SSBP2: variants seen among roughly 807,000 people sequenced by gnomAD.
SSBP2 encodes single stranded DNA binding protein 2, also known as single-stranded DNA-binding protein 2.
A neutral mutation model predicts 61.8 loss-of-function variants in SSBP2; 17 were observed. The observed-to-expected ratio is 0.28, with a 90% CI of 0.19 to 0.41. SSBP2 has a LOEUF of 0.41. Among genes scored for constraint, SSBP2 ranks in the 10% least tolerant of loss-of-function variants. SSBP2 has a pLI of 1.00. For missense variants in SSBP2, 310 were observed against 458.7 expected, an observed-to-expected ratio of 0.68 and a Z score of 2.96; for synonymous variants, 139 against 141.3, an observed-to-expected ratio of 0.98 and a Z score of 0.12.
At chr5:81,569,514 A>G (rs1199603824) in intron 4 of SSBP2, among the ~76,000 whole-genome samples, 1 of 152,208 alleles carries the variant, frequency 6.6e-6, no homozygotes, top group Admixed American at 6.5e-5. Flanking sequence ...ACAAAGCAAA[A>G]TAAAATACAG....
chr5:81,641,163 C>T (rs1049855078), intron 2 of SSBP2, among the ~76,000 whole-genome samples: 1 of 152,102 alleles, frequency 6.6e-6, no homozygotes, highest in African/African-American at 2.4e-5. Context: ...TGCCCCTCAT[C>T]CTTACTAAGC....
intron 4 of SSBP2, among the ~76,000 whole-genome samples, chr5:81,517,669 A>G (rs985484007): frequency 6.6e-5 from 10 of 151,942 alleles, no homozygotes; most frequent in African/African-American, 2.4e-4. Context: ...GCATGAGTCA[A>G]TATGTTTATG....
intron 4 of SSBP2, among the ~76,000 whole-genome samples, chr5:81,537,427 T>C (rs1770893087): frequency 1.3e-5 from 2 of 152,114 alleles, no homozygotes; most frequent in South Asian, 2.1e-4. Flanking sequence ...GTGACCATCA[T>C]GAGAAACAGG....
intron 4 of SSBP2, among the ~76,000 whole-genome samples, chr5:81,593,403 T>G (rs942166281): frequency 6.6e-6 from 1 of 152,306 alleles, no homozygotes; most frequent in East Asian, 1.9e-4. Context: ...TGGAACCAAG[T>G]TGGAAAACAC....
chr5:81,644,860 T>C (rs1206909352), intron 2 of SSBP2, among the ~76,000 whole-genome samples: 3 of 152,220 alleles, frequency 2.0e-5, no homozygotes, highest in Non-Finnish European at 4.4e-5. Flanking sequence ...GGATTAGAGC[T>C]GGACCCATTT....
intron 4 of SSBP2, among the ~76,000 whole-genome samples, chr5:81,561,007 CTT>C (rs1420202864): frequency 1.3e-5 from 2 of 152,164 alleles, no homozygotes; most frequent in Non-Finnish European, 2.9e-5. Context: ...CTGCTGCTGA[CTT>C]TAACACTATC....
rs757586085 is a variant in SSBP2, at chr5:81,511,044, G to GTC, written c.372+2582_372+2583dup. Reference sequence around the variant, plus strand: ...GCTAATTAAGCTCCAGTTTTTCTTGGTCTCTCTCTCTCTCCTTTTCCCTCT... The same window carrying GTC: ...GCTAATTAAGCTCCAGTTTTTCTTGGTCTCTCTCTCTCTCTCCTTTTCCCTCT... On this transcript the variant is annotated intron_variant, in intron 5 of 16. Coordinates refer to ENST00000320672, the MANE Select transcript of SSBP2 (RefSeq NM_012446.5). Among the ~76,000 whole-genome samples the GTC allele has an allele frequency of 4.0e-5, 6 of 151,514 alleles. No individual in the cohort carries two copies. In the East Asian group the frequency reaches 5.9e-4, roughly 15 times the overall value.
intron 1 of SSBP2, among the ~76,000 whole-genome samples, chr5:81,682,934 T>C (rs570615079): frequency 1.3e-5 from 2 of 152,222 alleles, no homozygotes; most frequent in East Asian, 3.9e-4. Flanking sequence ...AGAAATGAGA[T>C]ACACAGGTAT....
At chr5:81,615,377 C>T in intron 4 of SSBP2, 96 bp downstream of exon 4, 2 of 924,976 alleles carry the variant, frequency 2.2e-6, no homozygotes, top group East Asian at 2.5e-5. Context: ...TCTTAAGTAC[C>T]AAAACAAAAG....
At chr5:81,473,808 A>G (rs780006284) in intron 7 of SSBP2, 38 bp from the exon 8 acceptor site, 12 of 1,581,502 alleles carry the variant, frequency 7.6e-6, no homozygotes, top group Non-Finnish European at 1.0e-5. Context: ...AGTAATGAGC[A>G]TGAGTACTAA....
intron 4 of SSBP2, among the ~76,000 whole-genome samples, chr5:81,577,574 A>G (rs1382230893): frequency 6.6e-6 from 1 of 152,100 alleles, no homozygotes; most frequent in Non-Finnish European, 1.5e-5. Context: ...CCAACTAAGA[A>G]TGAATGTAGG....
chr5:81,707,466 T>C (rs1183632955), intron 1 of SSBP2, among the ~76,000 whole-genome samples: 3 of 151,940 alleles, frequency 2.0e-5, no homozygotes, highest in Non-Finnish European at 2.9e-5. Context: ...AGACACAGGG[T>C]GAGGTTGGTC....
intron 4 of SSBP2, among the ~76,000 whole-genome samples, chr5:81,562,247 G>A (rs2153418014): frequency 6.6e-6 from 1 of 152,260 alleles, no homozygotes; most frequent in Middle Eastern, 3.4e-3. Flanking sequence ...ACTAAGCAGT[G>A]TAAAAAGAAA....
rs147770501 is a variant in SSBP2, at chr5:81,646,122, T to C, written c.135+4145A>G. ...GTTCAGATAATGCCTGGAGTTCCAG[T>C]TGGCCTTCTCGCAACTTCACCCAAA... is the stretch of plus-strand genomic sequence containing the variant. On this transcript the variant is annotated intron_variant, in intron 2 of 16. Transcript: ENST00000320672. Among the ~76,000 whole-genome samples the C allele has an allele frequency of 3.5e-3, 532 of 152,212 alleles. 3 individuals carry two copies. Among genetic ancestry groups the C allele is most frequent in the African/African-American group, 0.012 (496 of 41,542 alleles).
chr5:81,635,474 G>A (rs968724714), intron 3 of SSBP2, among the ~76,000 whole-genome samples: 2 of 152,004 alleles, frequency 1.3e-5, no homozygotes, highest in East Asian at 1.9e-4. Context: ...ATCTCCCCAA[G>A]AGGAAAAGTG....
intron 14 of SSBP2, among the ~76,000 whole-genome samples, 190 bp downstream of exon 14, chr5:81,440,368 C>T (rs1156966642): frequency 1.3e-5 from 2 of 152,158 alleles, no homozygotes; most frequent in African/African-American, 4.8e-5. Context: ...AATTCTCACA[C>T]TTCTGATCTT....
intron 2 of SSBP2, among the ~76,000 whole-genome samples, chr5:81,647,075 T>C (rs532761529): frequency 6.6e-6 from 1 of 152,342 alleles, no homozygotes; most frequent in African/African-American, 2.4e-5. Context: ...ATCACAAATC[T>C]ATCTCCAGGC....
chr5:81,521,590 T>C (rs1769488757), intron 4 of SSBP2, among the ~76,000 whole-genome samples: 1 of 152,030 alleles, frequency 6.6e-6, no homozygotes, highest in African/African-American at 2.4e-5. Flanking sequence ...TGATTTTTGT[T>C]CCTTGGGATA....
intron 9 of SSBP2, among the ~76,000 whole-genome samples, chr5:81,465,007 A>G (rs1764792248): frequency 6.6e-6 from 1 of 152,016 alleles, no homozygotes; most frequent in South Asian, 2.1e-4. Flanking sequence ...ATATCAATAT[A>G]ATAGTTACAC....
Sources: gnomAD v4.1 joint callset for allele counts (sites outside exome capture counted in the v4.1 genomes callset) on GRCh38, gnomAD v4.1.1 for gene constraint, MANE v1.5 for transcripts, NCBI Gene and HGNC (gene_info 2026-07-23, HGNC 2026-07-21) for gene names.